Variants in PTPRD observed in about 807,000 individuals in gnomAD.
The protein encoded by PTPRD is receptor-type tyrosine-protein phosphatase delta.
Under a neutral mutation model 214.5 loss-of-function variants are expected in PTPRD, and 34 were observed. That is an observed-to-expected ratio of 0.16 (90% confidence interval 0.12 to 0.21). PTPRD has a LOEUF of 0.21. Among genes scored for constraint, PTPRD ranks in the 10% least tolerant of loss-of-function variants. PTPRD has a pLI of 1.00. For synonymous variants in PTPRD, 1,128 were observed against 845.7 expected (o/e 1.33, Z -5.79); for missense variants, 2,545 against 2,398.7 (o/e 1.06, Z -1.27).
intron 10 of PTPRD, among the ~76,000 whole-genome samples, chr9:9,133,703 G>T (rs2099846345): frequency 6.6e-6 from 1 of 152,194 alleles, no homozygotes; most frequent in Non-Finnish European, 1.5e-5. Context: ...TCGCAGTCAT[G>T]TATGGCCACT....
intron 14 of PTPRD, among the ~76,000 whole-genome samples, chr9:8,585,325 G>C (rs758492403): frequency 2.0e-5 from 3 of 152,154 alleles, no homozygotes; most frequent in Non-Finnish European, 2.9e-5. Context: ...ACAGGAAATT[G>C]TGAGGCTCTG....
chr9:8,815,109 T>C (rs955988692), intron 11 of PTPRD, among the ~76,000 whole-genome samples: 1 of 101,528 alleles, frequency 9.8e-6, no homozygotes, highest in Non-Finnish European at 1.7e-5. Flanking sequence ...TATAATTTAG[T>C]TTTTTTTTTT....
intron 5 of PTPRD, among the ~76,000 whole-genome samples, chr9:9,824,939 A>T (rs762159065): frequency 2.6e-5 from 4 of 152,030 alleles, no homozygotes; most frequent in Non-Finnish European, 5.9e-5. Context: ...CTGGTACCAG[A>T]TGATCTGGTT....
chr9:9,882,231 C>T (rs559168531), intron 5 of PTPRD, among the ~76,000 whole-genome samples: 1 of 152,172 alleles, frequency 6.6e-6, no homozygotes, highest in East Asian at 1.9e-4. Flanking sequence ...ATTATCATGT[C>T]TCTCATTTTT....
chr9:8,630,725 T>C (rs2096226457), intron 14 of PTPRD, among the ~76,000 whole-genome samples: 1 of 151,914 alleles, frequency 6.6e-6, no homozygotes, highest in Non-Finnish European at 1.5e-5. Flanking sequence ...TTTGATGCAT[T>C]TGTTTTATAT....
intron 4 of PTPRD, among the ~76,000 whole-genome samples, chr9:9,986,076 A>T (rs1224994161): frequency 2.0e-5 from 3 of 152,120 alleles, no homozygotes; most frequent in Non-Finnish European, 4.4e-5. Flanking sequence ...ACTAATTAAA[A>T]CTGTATTCAT....
intron 31 of PTPRD, among the ~76,000 whole-genome samples, chr9:8,468,823 T>C (rs955509150): frequency 1.4e-5 from 2 of 147,784 alleles, no homozygotes; most frequent in African/African-American, 4.9e-5. Flanking sequence ...AAAAACTCTC[T>C]GTAGGGATCA....
chr9:9,231,680 A>G (rs1300361581), intron 9 of PTPRD, among the ~76,000 whole-genome samples: 2 of 152,166 alleles, frequency 1.3e-5, no homozygotes, highest in Non-Finnish European at 2.9e-5. Context: ...TTAAGTATAT[A>G]GAACAGTAAC....
intron 8 of PTPRD, among the ~76,000 whole-genome samples, chr9:9,521,946 T>C (rs2096984823): frequency 6.6e-6 from 1 of 151,982 alleles, no homozygotes; most frequent in Admixed American, 6.6e-5. Context: ...TCACCTGAAG[T>C]CAGGAGTTTG....
At chr9:9,502,290 C>A in intron 8 of PTPRD, among the ~76,000 whole-genome samples, 1 of 151,824 alleles carries the variant, frequency 6.6e-6, no homozygotes, top group Non-Finnish European at 1.5e-5. Context: ...CTGCTGAGCC[C>A]TTGGCAACCA....
chr9:9,240,008 G>C (rs913497470), intron 9 of PTPRD, among the ~76,000 whole-genome samples: 1 of 152,106 alleles, frequency 6.6e-6, no homozygotes, highest in Non-Finnish European at 1.5e-5. Flanking sequence ...CACAGATTTG[G>C]ATTGGTTTCA....
chr9:9,812,579 A>G (rs1384420284), intron 5 of PTPRD, among the ~76,000 whole-genome samples: 2 of 152,216 alleles, frequency 1.3e-5, no homozygotes. Context: ...AAAAGTCACT[A>G]TATAATGATA....
rs571153323 is a variant in PTPRD, at chr9:10,513,566, C to T, written c.-600+98832G>A. On this transcript the variant is annotated intron_variant, in intron 2 of 45. Coordinates refer to ENST00000381196, the MANE Select transcript of PTPRD (RefSeq NM_002839.4). ...TTAGAGCTGGTTACCAAATCAATTC[C>T]GCTTTTTCTGGGAACATGGTAAGAT... Among the ~76,000 whole-genome samples, 8 of 152,182 alleles carry T rather than the reference C, an allele frequency of 5.3e-5. No homozygotes were observed. The South Asian group carries it at 1.0e-3, about 20-fold the overall frequency.
intron 3 of PTPRD, among the ~76,000 whole-genome samples, chr9:10,090,917 T>TACACAC (rs747128757): frequency 0.011 from 565 of 52,982 alleles, 12 homozygotes; most frequent in Middle Eastern, 0.056. Context: ...ATAAATGAAA[T>TACACAC]ATACACACAC....
chr9:10,258,449 A>C (rs1369642900), intron 3 of PTPRD, among the ~76,000 whole-genome samples: 1 of 152,220 alleles, frequency 6.6e-6, no homozygotes, highest in African/African-American at 2.4e-5. Context: ...AATATCTCGG[A>C]GTGCTGACTA....
At chr9:10,082,493 C>A (rs1372350320) in intron 3 of PTPRD, among the ~76,000 whole-genome samples, 1 of 151,948 alleles carries the variant, frequency 6.6e-6, no homozygotes. Context: ...GCAAACAATT[C>A]TATCAACTGG....
intron 14 of PTPRD, among the ~76,000 whole-genome samples, chr9:8,593,000 G>A (rs2094226115): frequency 6.6e-6 from 1 of 152,170 alleles, no homozygotes; most frequent in Admixed American, 6.5e-5. Context: ...GGAAGCTCAG[G>A]ATGTTTTTAT....
chr9:9,763,559 C>T (rs2098679983), intron 6 of PTPRD, among the ~76,000 whole-genome samples: 1 of 151,978 alleles, frequency 6.6e-6, no homozygotes. Context: ...ATTTTGTTTC[C>T]CATTATCATG....
intron 8 of PTPRD, among the ~76,000 whole-genome samples, chr9:9,556,927 A>G (rs2081657277): frequency 6.6e-6 from 1 of 152,160 alleles, no homozygotes. Flanking sequence ...ACTGTAGAAA[A>G]GAGTAAAGAT....
Sources: gnomAD v4.1 joint callset for allele counts (sites outside exome capture counted in the v4.1 genomes callset) on GRCh38, gnomAD v4.1.1 for gene constraint, MANE v1.5 for transcripts, NCBI Gene and HGNC (gene_info 2026-07-23, HGNC 2026-07-21) for gene names.